TRIO: variants seen among roughly 807,000 people sequenced by gnomAD.
TRIO encodes the protein triple functional domain protein.
In TRIO, 58 loss-of-function variants were observed where a neutral mutation model predicts 351.9. The ratio of observed to expected loss-of-function variants is 0.16; its 90% CI spans 0.13 to 0.21. The LOEUF (loss-of-function observed/expected upper bound fraction) is 0.21, where lower values mean the gene tolerates loss of function less well. TRIO is among the 10% of genes least tolerant of loss of function. The probability of loss-of-function intolerance (pLI) is 1.00; values close to 1 mark genes in which losing one functional copy is unlikely to be tolerated. For synonymous variants in TRIO, 1,758 were observed against 1,595.7 expected, an observed-to-expected ratio of 1.10 and a Z score of -2.42; for missense variants, 3,201 against 4,027.8, an observed-to-expected ratio of 0.79 and a Z score of 5.56.
intron 53 of TRIO, among the ~76,000 whole-genome samples, chr5:14,502,151 A>G (rs572097032): frequency 1.3e-5 from 2 of 152,226 alleles, no homozygotes; most frequent in South Asian, 4.2e-4. Flanking sequence ...GGAGAGAGCA[A>G]CTTAGCCTCG....
At chr5:14,374,630 TTAAAG>T (rs1394716612) in intron 19 of TRIO, among the ~76,000 whole-genome samples, 6 of 152,226 alleles carry the variant, frequency 3.9e-5, no homozygotes, top group East Asian at 1.9e-4. Flanking sequence ...GGCTATTTTG[TTAAAG>T]TAAGTAAAAA....
At chr5:14,362,700 C>T (rs1307653979) in intron 13 of TRIO, among the ~76,000 whole-genome samples, 1 of 152,144 alleles carries the variant, frequency 6.6e-6, no homozygotes, top group African/African-American at 2.4e-5. Flanking sequence ...GGTGGTGCAT[C>T]GTAGTTCCCC....
chr5:14,422,853 G>T (rs991247529), intron 34 of TRIO, among the ~76,000 whole-genome samples: 1 of 152,174 alleles, frequency 6.6e-6, no homozygotes, highest in Non-Finnish European at 1.5e-5. Context: ...GGCCAGGTGC[G>T]GTGGCACACA....
At chr5:14,439,024 T>C (rs774020626) in intron 34 of TRIO, among the ~76,000 whole-genome samples, 1 of 152,074 alleles carries the variant, frequency 6.6e-6, no homozygotes. Flanking sequence ...TTTTTTTTGT[T>C]TTTGTTTGTT....
intron 8 of TRIO, among the ~76,000 whole-genome samples, chr5:14,305,088 C>G (rs1022417829): frequency 3.9e-5 from 6 of 152,196 alleles, no homozygotes; most frequent in African/African-American, 1.4e-4. Context: ...CTATGCCAGA[C>G]TGTATTGTAA....
intron 53 of TRIO, among the ~76,000 whole-genome samples, chr5:14,502,155 A>G (rs1757341211): frequency 6.6e-6 from 1 of 152,178 alleles, no homozygotes; most frequent in Non-Finnish European, 1.5e-5. Context: ...AGAGCAACTT[A>G]GCCTCGAGGT....
At chr5:14,361,419 T>G (rs1165175809) in intron 13 of TRIO, among the ~76,000 whole-genome samples, 1 of 152,170 alleles carries the variant, frequency 6.6e-6, no homozygotes, top group African/African-American at 2.4e-5. Context: ...TGCAGCCCAG[T>G]CTCAGGCCAG....
intron 1 of TRIO, among the ~76,000 whole-genome samples, chr5:14,252,842 A>G (rs1794821923): frequency 6.6e-6 from 1 of 150,986 alleles, no homozygotes; most frequent in African/African-American, 2.4e-5. Context: ...ATTGAGGGAG[A>G]GGTTGAGGGG....
intron 1 of TRIO, among the ~76,000 whole-genome samples, chr5:14,181,403 C>T (rs1789759371): frequency 6.6e-6 from 1 of 152,186 alleles, no homozygotes; most frequent in African/African-American, 2.4e-5. Context: ...AGTTATCTGT[C>T]ACCGTCATCT....
chr5:14,392,442 G>T (rs1049639983), intron 27 of TRIO, among the ~76,000 whole-genome samples: 5 of 152,218 alleles, frequency 3.3e-5, no homozygotes, highest in African/African-American at 9.6e-5. Context: ...ATGGTGGTGA[G>T]GCTGTGGAGA....
chr5:14,445,130 A>G (rs150767005), intron 34 of TRIO, among the ~76,000 whole-genome samples: 4,659 of 152,200 alleles, frequency 0.031, 104 homozygotes, highest in African/African-American at 0.052. Flanking sequence ...GGCCTCAGGG[A>G]CACGTGAGCA....
intron 42 of TRIO, 109 bp from the exon 43 acceptor site, chr5:14,479,810 C>A: frequency 1.0e-6 from 1 of 962,714 alleles, no homozygotes; most frequent in Non-Finnish European, 1.5e-6. Flanking sequence ...GCTTTTTTTC[C>A]TCGTTACTTT....
At chr5:14,239,273 C>G (rs971999041) in intron 1 of TRIO, among the ~76,000 whole-genome samples, 7 of 147,800 alleles carry the variant, frequency 4.7e-5, no homozygotes, top group Non-Finnish European at 8.8e-5. Context: ...AACCTCCCCT[C>G]CCCCCCATTC....
At chr5:14,383,749 C>A (rs1323760684) in intron 21 of TRIO, among the ~76,000 whole-genome samples, 3 of 152,150 alleles carry the variant, frequency 2.0e-5, no homozygotes, top group Non-Finnish European at 1.5e-5. Context: ...CTGCCTTTCC[C>A]TTAATCAGAA....
intron 34 of TRIO, among the ~76,000 whole-genome samples, chr5:14,448,664 C>T (rs922153841): frequency 6.6e-6 from 1 of 152,170 alleles, no homozygotes; most frequent in African/African-American, 2.4e-5. Flanking sequence ...GTGGACTGCG[C>T]GTTAGGAGCG....
chr5:14,480,111 T>TTCCC, intron 43 of TRIO, 100 bp downstream of exon 43: 2 of 1,065,126 alleles, frequency 1.9e-6, no homozygotes, highest in Non-Finnish European at 2.8e-6. Flanking sequence ...AGGGGAATCA[T>TTCCC]CTGTGTAACA....
intron 1 of TRIO, among the ~76,000 whole-genome samples, chr5:14,239,773 C>T (rs116801678): frequency 0.014 from 2,122 of 152,180 alleles, 34 homozygotes; most frequent in African/African-American, 0.048. Flanking sequence ...AGAACAGAGG[C>T]GCAAAATTCA....
chr5:14,346,339 C>CA (rs996500280), intron 11 of TRIO, among the ~76,000 whole-genome samples: 9 of 152,200 alleles, frequency 5.9e-5, no homozygotes, highest in South Asian at 2.1e-4. Context: ...CCAGAAGAAG[C>CA]AAAAGCCCCA....
chr5:14,388,824 C>G, intron 24 of TRIO, 145 bp downstream of exon 24: 1 of 954,890 alleles, frequency 1.0e-6, no homozygotes, highest in East Asian at 2.6e-5. Flanking sequence ...CTTCAGCAGC[C>G]GGTTTCATGT....
Sources: gnomAD v4.1 joint callset for allele counts (sites outside exome capture counted in the v4.1 genomes callset) on GRCh38, gnomAD v4.1.1 for gene constraint, MANE v1.5 for transcripts, NCBI Gene and HGNC (gene_info 2026-07-23, HGNC 2026-07-21) for gene names.